Variants in ZNF718 observed in about 807,000 individuals in gnomAD.
The protein encoded by ZNF718 is zinc finger protein 718.
A neutral mutation model predicts 2.6 loss-of-function variants in ZNF718; 3 were observed. The observed-to-expected ratio is 1.16, with a 90% CI of 0.53 to 3.01. ZNF718 has a LOEUF of 3.01. Ranked by LOEUF, ZNF718 falls within the 30% of genes most tolerant of loss-of-function variation. The pLI is 0.03. For missense variants in ZNF718, 468 were observed against 230.0 expected, an observed-to-expected ratio of 2.03 and a Z score of -6.69; for synonymous variants, 135 against 77.9, an observed-to-expected ratio of 1.73 and a Z score of -3.86.
chr4:161,523 C>G lies in ZNF718; in HGVS notation c.838C>G (p.Gln280Glu). ...TTTACATAAGAGAATTCATTCTGCA[C>G]AAAAATACTACAAATGTGAAGAATG... Reference protein sequence around the residue: ...LNLHKRIHSAQKYYKCEECGK... With the variant: ...LNLHKRIHSAEKYYKCEECGK... The change falls in exon 4 of 4, where the codon CAA (glutamine) becomes GAA (glutamate). Residue 280 changes from glutamine to glutamate, a missense_variant. Physicochemically the swap from Gln to Glu is conservative, Grantham distance 29. Transcript: ENST00000510175. 1.3e-6 allele frequency: 1 copy of G among 779,962 alleles called. No individual in the cohort carries two copies. Among genetic ancestry groups the G allele is most frequent in the Non-Finnish European group, 2.4e-6 (1 of 417,786 alleles). The allele number at this position is 779,962 out of a possible 1,614,324, so 48.3% of individuals were successfully genotyped here. A position where few individuals can be genotyped will look rare whatever the true frequency, so the allele number is the denominator to read the frequency against.
intron 3 of ZNF718, among the ~76,000 whole-genome samples, chr4:197,928 G>A (rs1553822268): frequency 6.6e-6 from 1 of 152,176 alleles, no homozygotes; most frequent in East Asian, 1.9e-4. Context: ...TGGATGGATG[G>A]ATGAATGCTC....
At chr4:195,525 C>T (rs545827397) in intron 3 of ZNF718, among the ~76,000 whole-genome samples, 1 of 151,304 alleles carries the variant, frequency 6.6e-6, no homozygotes, top group South Asian at 2.1e-4. Context: ...GTTAAATCAC[C>T]TTTTTCTAAT....
chr4:200,457 C>T (rs1397860368), intron 3 of ZNF718, among the ~76,000 whole-genome samples: 2 of 152,102 alleles, frequency 1.3e-5, no homozygotes, highest in East Asian at 3.9e-4. Flanking sequence ...TTAGTAGAGA[C>T]AGGGTTTCAC....
intron 3 of ZNF718, among the ~76,000 whole-genome samples, chr4:159,323 A>C (rs1363988589): frequency 6.6e-6 from 1 of 151,762 alleles, no homozygotes; most frequent in Non-Finnish European, 1.5e-5. Flanking sequence ...GGTCTGAGCC[A>C]CTGTGCCTGG....
downstream of ZNF718, among the ~76,000 whole-genome samples, chr4:168,079 A>G (rs887906949): frequency 1.3e-5 from 2 of 152,140 alleles, no homozygotes; most frequent in Non-Finnish European, 2.9e-5. Context: ...AATGTTTTCA[A>G]AGGCCTTTTC....
downstream of ZNF718, among the ~76,000 whole-genome samples, chr4:166,767 G>C (rs1240884612): frequency 6.6e-6 from 1 of 152,066 alleles, no homozygotes; most frequent in Admixed American, 6.6e-5. Flanking sequence ...TGTCAGATGG[G>C]TAGATTGCAA....
rs1258303094 is a variant in ZNF718, at chr4:133,195, A to AAAAT, written c.226+1691_226+1692insAATA. The stretch of plus-strand genomic sequence containing the variant: ...TCCATCTTAAAAAAAAAAAAAAAAA[A>AAAAT]ATATATATATATATATATATATATA... On this transcript the variant is annotated intron_variant, in intron 3 of 3. Transcript: ENST00000510175. 8.2e-4 allele frequency among the ~76,000 whole-genome samples: 17 copies of AAAAT among 20,778 alleles called. 1 individual carries two copies. Among genetic ancestry groups the AAAAT allele is most frequent in the Admixed American group, 2.2e-3 (3 of 1,356 alleles). The allele number at this position is 20,778 out of a possible 152,430, so 13.6% of individuals were successfully genotyped here.
At chr4:151,991 G>C (rs1219818934) in intron 3 of ZNF718, among the ~76,000 whole-genome samples, 4 of 148,824 alleles carry the variant, frequency 2.7e-5, no homozygotes. Flanking sequence ...AGGGTCAGCA[G>C]ACAAACACGT....
At chr4:148,210 C>T (rs1553811760) in intron 3 of ZNF718, among the ~76,000 whole-genome samples, 1 of 152,126 alleles carries the variant, frequency 6.6e-6, no homozygotes, top group Non-Finnish European at 1.5e-5. Context: ...ATAAAGTCAG[C>T]CAGCATGCCT....
At chr4:126,261 G>A (rs552611224) in intron 1 of ZNF718, among the ~76,000 whole-genome samples, 26 of 152,178 alleles carry the variant, frequency 1.7e-4, no homozygotes, top group Admixed American at 8.5e-4. Flanking sequence ...AATTAGAAGA[G>A]GCTTAATGAT....
downstream of ZNF718, among the ~76,000 whole-genome samples, chr4:165,363 T>TC (rs1581468990): frequency 6.6e-6 from 1 of 152,182 alleles, no homozygotes; most frequent in East Asian, 1.9e-4. Context: ...AAGAAAAATT[T>TC]TATGAAATTC....
At chr4:197,057 A>G (rs370233423) in intron 3 of ZNF718, among the ~76,000 whole-genome samples, 145 of 150,320 alleles carry the variant, frequency 9.6e-4, no homozygotes, top group African/African-American at 3.3e-3. Flanking sequence ...CTCTAAGAAC[A>G]AAGACCTGCC....
intron 3 of ZNF718, among the ~76,000 whole-genome samples, chr4:183,278 T>G (rs1256355463): frequency 1.3e-5 from 2 of 152,188 alleles, no homozygotes; most frequent in Non-Finnish European, 2.9e-5. Flanking sequence ...ATTGCTTGTT[T>G]TTGTCAGATT....
chr4:199,257 G>T (rs1240091484), intron 3 of ZNF718, among the ~76,000 whole-genome samples: 1 of 152,146 alleles, frequency 6.6e-6, no homozygotes, highest in Admixed American at 6.5e-5. Context: ...TTGTTCCCCT[G>T]TACCCTTCAC....
chr4:174,432 C>G (rs1553818739), intron 3 of ZNF718, among the ~76,000 whole-genome samples: 1 of 152,176 alleles, frequency 6.6e-6, no homozygotes, highest in Admixed American at 6.5e-5. Context: ...CCCAGGCCCT[C>G]CAACAGGAAG....
intron 3 of ZNF718, among the ~76,000 whole-genome samples, chr4:189,142 C>T (rs1717640391): frequency 6.7e-6 from 1 of 148,718 alleles, no homozygotes. Flanking sequence ...CCCACTGCAA[C>T]CTCTGCCTCC....
intron 3 of ZNF718, among the ~76,000 whole-genome samples, chr4:169,698 T>C (rs1489740012): frequency 6.6e-6 from 1 of 152,216 alleles, no homozygotes; most frequent in African/African-American, 2.4e-5. Flanking sequence ...GTTTTCCATT[T>C]GCTTGGTAGA....
At chr4:152,159 AG>A (rs1189098824) in intron 3 of ZNF718, among the ~76,000 whole-genome samples, 6 of 147,876 alleles carry the variant, frequency 4.1e-5, no homozygotes, top group Non-Finnish European at 7.5e-5. Context: ...CAGTAGATGG[AG>A]CATACAATCG....
chr4:200,515 C>T (rs1717877526), intron 3 of ZNF718, among the ~76,000 whole-genome samples: 1 of 152,206 alleles, frequency 6.6e-6, no homozygotes, highest in Admixed American at 6.5e-5. Flanking sequence ...GATCCACCCA[C>T]CTCAGCCTCC....
Sources: gnomAD v4.1 joint callset for allele counts (sites outside exome capture counted in the v4.1 genomes callset) on GRCh38, gnomAD v4.1.1 for gene constraint, MANE v1.5 for transcripts, NCBI Gene and HGNC (gene_info 2026-07-23, HGNC 2026-07-21) for gene names.